Variants in PCDHA13 observed in about 807,000 individuals in gnomAD.
PCDHA13 encodes protocadherin alpha 13.
PCDHA13 carries 54 observed loss-of-function variants against 64.8 expected under a neutral mutation model. The ratio of observed to expected loss-of-function variants is 0.83; its 90% CI spans 0.67 to 1.04. The LOEUF is 1.04. Ranked by LOEUF, PCDHA13 falls within the 50% of genes least tolerant of loss-of-function variation. PCDHA13 has a pLI of 0.00. For synonymous variants in PCDHA13, 587 were observed against 564.4 expected (o/e 1.04, Z -0.57); for missense variants, 1,248 against 1,254.3 (o/e 0.99, Z 0.08).
chr5:140,885,430 A>T (rs1216159578), intron 1 of PCDHA13, among the ~76,000 whole-genome samples: 2 of 152,132 alleles, frequency 1.3e-5, no homozygotes, highest in African/African-American at 4.8e-5. Context: ...CCACAGTGTA[A>T]GTGTGCAATT....
rs78805068 is a variant in PCDHA13, at chr5:140,928,696, C to T, written c.2394+44034C>T. On this transcript the variant is annotated intron_variant, in intron 1 of 3. Transcript: ENST00000289272. ...TGCCTGGCTTTCCTACCACATCTCC[C>T]GGGCGTCTGACTCTAGTCTCTTTAG... The T allele has an allele frequency of 3.2e-3, 5,185 of 1,614,146 alleles. 27 individuals carry two copies. The highest frequency in any genetic ancestry group is 0.019 in the African/African-American group (1,449 of 75,020).
chr5:140,882,788 C>G lies in PCDHA13; in HGVS notation c.520C>G (p.Pro174Ala). 6.2e-7 allele frequency: 1 copy of G among 1,614,216 alleles called. No individual in the cohort carries two copies. Among genetic ancestry groups the G allele is most frequent in the Non-Finnish European group, 8.5e-7 (1 of 1,180,038 alleles). ...VNSALTYRLD[P>A]NDYFTLDAQN... Reference sequence around the variant, plus strand: ...CTCGGCATTGACCTACCGACTGGATCCCAACGATTATTTCACTTTGGACGC... The same window carrying G: ...CTCGGCATTGACCTACCGACTGGATGCCAACGATTATTTCACTTTGGACGC... The change falls in exon 1 of 4, where the codon CCC becomes GCC. Residue 174 changes from proline (P) to alanine (A), a missense_variant. Physicochemically the swap from Pro to Ala is conservative, Grantham distance 27. Transcript: ENST00000289272.
intron 1 of PCDHA13, among the ~76,000 whole-genome samples, chr5:140,904,190 C>T (rs1292555686): frequency 6.6e-6 from 1 of 151,916 alleles, no homozygotes; most frequent in Non-Finnish European, 1.5e-5. Flanking sequence ...CCCTTCCCAC[C>T]CTTTCCCCCT....
At chr5:140,998,094 GCAAA>G (rs1182835904) in intron 3 of PCDHA13, among the ~76,000 whole-genome samples, 7 of 152,226 alleles carry the variant, frequency 4.6e-5, no homozygotes, top group African/African-American at 1.4e-4. Flanking sequence ...AAATGCTAGA[GCAAA>G]CAGAGGAGAA....
At chr5:141,008,707 T>C (rs1255261995) in intron 3 of PCDHA13, among the ~76,000 whole-genome samples, 1 of 152,216 alleles carries the variant, frequency 6.6e-6, no homozygotes, top group Non-Finnish European at 1.5e-5. Flanking sequence ...TGGTTTCTAG[T>C]TGCTTGAGTG....
At chr5:141,004,331 C>G (rs1244942275) in intron 3 of PCDHA13, among the ~76,000 whole-genome samples, 1 of 152,210 alleles carries the variant, frequency 6.6e-6, no homozygotes, top group Non-Finnish European at 1.5e-5. Flanking sequence ...AGGTGAGGCA[C>G]AGTGGTCTGT....
chr5:140,897,875 G>A (rs2066378352), intron 1 of PCDHA13, among the ~76,000 whole-genome samples: 1 of 152,080 alleles, frequency 6.6e-6, no homozygotes, highest in South Asian at 2.1e-4. Flanking sequence ...TTTAATGATT[G>A]CCATTCTAAC....
In PCDHA13 at chr5:140,929,377, C is replaced by G. The variant is rs1436728913; in HGVS notation, c.2394+44715C>G. 3 of 1,514,232 alleles carry G rather than the reference C, an allele frequency of 2.0e-6. No homozygotes were observed. In the African/African-American group the frequency reaches 4.2e-5, roughly 21 times the overall value. The allele number at this position is 1,514,232 out of a possible 1,614,324, so 93.8% of individuals were successfully genotyped here. Reference sequence around the variant, plus strand: ...CCTTTGGCCCGGAGATGGCTGCTAGCTGTGTTTTGAAATATTTCTTAGACA... The same window carrying G: ...CCTTTGGCCCGGAGATGGCTGCTAGGTGTGTTTTGAAATATTTCTTAGACA... On this transcript the variant is annotated intron_variant, in intron 1 of 3. Coordinates refer to ENST00000289272, the MANE Select transcript of PCDHA13 (RefSeq NM_018904.3).
chr5:140,997,375 G>A (rs983164883), intron 3 of PCDHA13, among the ~76,000 whole-genome samples: 1 of 152,066 alleles, frequency 6.6e-6, no homozygotes, highest in Non-Finnish European at 1.5e-5. Flanking sequence ...AGATGATATA[G>A]CATACTACAC....
At chr5:140,988,877 G>A (rs372950279) in intron 3 of PCDHA13, 8 of 152,310 alleles carry the variant, frequency 5.3e-5, no homozygotes, top group East Asian at 3.9e-4. Context: ...TCAGATGTAC[G>A]ATCCTGGATA....
At chr5:140,945,954 A>G (rs187878503) in intron 1 of PCDHA13, among the ~76,000 whole-genome samples, 130 of 152,264 alleles carry the variant, frequency 8.5e-4, no homozygotes, top group Non-Finnish European at 1.6e-3. Flanking sequence ...ATGACCCTGA[A>G]AGCACAGGCA....
At chr5:140,955,397 A>T (rs1470827673) in intron 1 of PCDHA13, among the ~76,000 whole-genome samples, 19 of 152,128 alleles carry the variant, frequency 1.2e-4, no homozygotes, top group Admixed American at 1.1e-3. Context: ...CAATTATCCC[A>T]TACAGTTCTC....
chr5:140,937,728 C>T (rs1180728000), intron 1 of PCDHA13, among the ~76,000 whole-genome samples: 4 of 151,954 alleles, frequency 2.6e-5, no homozygotes, highest in African/African-American at 7.2e-5. Flanking sequence ...CTGGCTAACA[C>T]GGTGAAACCC....
intron 1 of PCDHA13, among the ~76,000 whole-genome samples, chr5:140,902,930 A>G (rs1252677303): frequency 1.3e-5 from 2 of 152,190 alleles, no homozygotes; most frequent in Non-Finnish European, 2.9e-5. Context: ...CATGGTGTAT[A>G]TATACCACAT....
rs116952410 is a variant in PCDHA13, at chr5:140,893,392, C to A, written c.2394+8730C>A. On this transcript the variant is annotated intron_variant, in intron 1 of 3. Coordinates refer to ENST00000289272, the MANE Select transcript of PCDHA13 (RefSeq NM_018904.3). ...AGCATTTATGGGACAGTGGCTCATG[C>A]CTGTAATCCCAGCACTTAGGGAGGC... 2.0e-5 allele frequency among the ~76,000 whole-genome samples: 3 copies of A among 152,230 alleles called. No individual in the cohort carries two copies. The East Asian group carries it at 5.8e-4, about 29-fold the overall frequency.
chr5:140,904,619 T>C (rs1554191627), intron 1 of PCDHA13, among the ~76,000 whole-genome samples: 1 of 152,126 alleles, frequency 6.6e-6, no homozygotes, highest in African/African-American at 2.4e-5. Context: ...GTTTTACTTT[T>C]AGTTCTTTAA....
chr5:141,008,985 A>C (rs566679512), intron 3 of PCDHA13, among the ~76,000 whole-genome samples: 1 of 152,240 alleles, frequency 6.6e-6, no homozygotes, highest in Non-Finnish European at 1.5e-5. Context: ...AGTTTAATCT[A>C]GACACTAAAA....
chr5:140,952,334 A>G (rs1585456390), intron 1 of PCDHA13, among the ~76,000 whole-genome samples: 1 of 103,312 alleles, frequency 9.7e-6, no homozygotes, highest in East Asian at 2.9e-4. Context: ...GTGAAACTCC[A>G]TCTCAAAAAA....
intron 1 of PCDHA13, among the ~76,000 whole-genome samples, chr5:140,931,196 A>T (rs1279027493): frequency 1.3e-5 from 2 of 152,182 alleles, no homozygotes; most frequent in Non-Finnish European, 2.9e-5. Flanking sequence ...GTGCACTACA[A>T]TGCTAGTATT....
Sources: allele counts gnomAD v4.1 joint callset (sites outside exome capture counted in the v4.1 genomes callset), GRCh38; gene constraint gnomAD v4.1.1; transcripts MANE v1.5; gene names NCBI Gene and HGNC (gene_info 2026-07-23, HGNC 2026-07-21).